Variants in FIRRM observed in about 807,000 individuals in gnomAD.
FIRRM encodes the protein FIGNL1-interacting regulator of recombination and mitosis.
chr1:169,847,313 TAAAAAAAAAAAA>T, the FIRRM span, among the ~76,000 whole-genome samples: 2 of 86,340 alleles, frequency 2.3e-5, no homozygotes, highest in South Asian at 4.5e-4. Flanking sequence ...CTTATATTTC[TAAAAAAAAAAAA>T]AAAAAAAAAA....
chr1:169,815,733 A>C, the FIRRM span, among the ~76,000 whole-genome samples: 1 of 152,120 alleles, frequency 6.6e-6, no homozygotes, highest in Non-Finnish European at 1.5e-5. Flanking sequence ...AGGATGCCTA[A>C]CCTGGAAATG....
the FIRRM span, among the ~76,000 whole-genome samples, chr1:169,834,324 G>A: frequency 6.6e-6 from 1 of 152,112 alleles, no homozygotes; most frequent in Non-Finnish European, 1.5e-5. Context: ...ACCTGAATCT[G>A]CATACCTATT....
At chr1:169,813,383 T>C in the FIRRM span, among the ~76,000 whole-genome samples, 1 of 152,216 alleles carries the variant, frequency 6.6e-6, no homozygotes, top group East Asian at 1.9e-4. Flanking sequence ...CTGCATATTA[T>C]TGGCACTACC....
At chr1:169,798,990 C>A in the FIRRM span, 1 of 951,866 alleles carries the variant, frequency 1.1e-6, no homozygotes, top group Non-Finnish European at 1.6e-6. Context: ...GTATGATGTA[C>A]TTTGATGTTA....
At chr1:169,826,009 C>A in the FIRRM span, 1 of 216,898 alleles carries the variant, frequency 4.6e-6, no homozygotes. Flanking sequence ...TTGTAAAGCT[C>A]TTGCTTCTGA....
chr1:169,835,449 A>G, the FIRRM span, among the ~76,000 whole-genome samples: 1 of 152,214 alleles, frequency 6.6e-6, no homozygotes, highest in East Asian at 1.9e-4. Context: ...TGCCTTATCT[A>G]AGCACACTGA....
the FIRRM span, chr1:169,853,257 T>C: frequency 2.4e-6 from 1 of 423,206 alleles, no homozygotes; most frequent in African/African-American, 2.0e-5. Flanking sequence ...ATAAGCTGCC[T>C]AAGGAAACCT....
At chr1:169,803,368 G>A in the FIRRM span, 4 of 1,438,468 alleles carry the variant, frequency 2.8e-6, no homozygotes, top group Admixed American at 5.9e-5. Context: ...TAGGGGCTGA[G>A]TAAAATAATG....
At chr1:169,803,891 T>G in the FIRRM span, among the ~76,000 whole-genome samples, 2 of 152,176 alleles carry the variant, frequency 1.3e-5, no homozygotes, top group Admixed American at 1.3e-4. Context: ...ATCATGGAAG[T>G]CAGAAATAAT....
At chr1:169,825,100 G>A in the FIRRM span, among the ~76,000 whole-genome samples, 2 of 152,212 alleles carry the variant, frequency 1.3e-5, no homozygotes, top group East Asian at 1.9e-4. Flanking sequence ...ACACGCACAC[G>A]TACACGCACT....
At chr1:169,849,658 A>G in the FIRRM span, 6 of 1,372,602 alleles carry the variant, frequency 4.4e-6, no homozygotes, top group Non-Finnish European at 5.2e-6. Flanking sequence ...TAATATTTCA[A>G]ATATTCCAGA....
the FIRRM span, chr1:169,795,083 C>T: frequency 1.5e-5 from 23 of 1,527,610 alleles, no homozygotes; most frequent in South Asian, 2.4e-5. Context: ...TGGTTTGAAG[C>T]TCTCCTGTTT....
chr1:169,827,531 G>A, the FIRRM span, among the ~76,000 whole-genome samples: 1 of 152,080 alleles, frequency 6.6e-6, no homozygotes, highest in African/African-American at 2.4e-5. Context: ...CCAGCTACTC[G>A]GGAGGCTGAG....
chr1:169,853,899 TAAAA>T, the FIRRM span: 7 of 999,750 alleles, frequency 7.0e-6, no homozygotes, highest in Non-Finnish European at 1.1e-5. Flanking sequence ...TCGTACTAAG[TAAAA>T]TAACTTAGAG....
the FIRRM span, among the ~76,000 whole-genome samples, chr1:169,796,435 G>A: frequency 1.3e-5 from 2 of 152,188 alleles, no homozygotes; most frequent in African/African-American, 4.8e-5. Context: ...ATTCAAAAAA[G>A]CCCAAACTTC....
the FIRRM span, chr1:169,847,840 CA>C: frequency 7.2e-7 from 1 of 1,393,688 alleles, no homozygotes; most frequent in South Asian, 1.2e-5. Context: ...ATTATTAAAA[CA>C]AAATCTCTAT....
chr1:169,843,582 A>G, the FIRRM span: 1 of 739,428 alleles, frequency 1.4e-6, no homozygotes, highest in Non-Finnish European at 2.4e-6. Context: ...TTAACATATT[A>G]CCTGATATAT....
At chr1:169,853,097 A>AAAT in the FIRRM span, 1 of 1,000,608 alleles carries the variant, frequency 1.0e-6, no homozygotes, top group Non-Finnish European at 1.5e-6. Context: ...AATCTAGTGA[A>AAAT]AATAATCTTT....
chr1:169,851,814 C>A, the FIRRM span: 1 of 1,613,324 alleles, frequency 6.2e-7, no homozygotes, highest in Non-Finnish European at 8.5e-7. Context: ...TGGTCCCTGG[C>A]AGACTGGGTT....
Sources: allele counts gnomAD v4.1 joint callset (sites outside exome capture counted in the v4.1 genomes callset), GRCh38; gene constraint gnomAD v4.1.1; transcripts MANE v1.5; gene names NCBI Gene and HGNC (gene_info 2026-07-23, HGNC 2026-07-21).